Variants in PRKCQ observed in about 807,000 individuals in gnomAD.
PRKCQ encodes the protein protein kinase C theta type.
PRKCQ carries 41 observed loss-of-function variants against 91.2 expected under a neutral mutation model. The observed-to-expected ratio is 0.45, with a 90% confidence interval of 0.35 to 0.58. The LOEUF (loss-of-function observed/expected upper bound fraction) is 0.58. Among genes scored for constraint, PRKCQ ranks in the 20% least tolerant of loss-of-function variants. The pLI is 0.00. For synonymous variants in PRKCQ, 307 were observed against 316.9 expected (o/e 0.97, Z 0.33); for missense variants, 673 against 896.5 (o/e 0.75, Z 3.18).
chr10:6,413,731 GCA>G, the PRKCQ span, among the ~76,000 whole-genome samples: 111 of 73,420 alleles, frequency 1.5e-3, 4 homozygotes, highest in African/African-American at 5.6e-3. Context: ...TTGTGCGCGC[GCA>G]CACACACACA....
At position 6,511,137 on chromosome 10, in the gene PRKCQ, G is replaced by A. The variant is rs1159540508; in HGVS notation, c.176C>T (p.Thr59Ile). The A allele has an allele frequency of 6.2e-7, 1 of 1,614,002 alleles. No homozygotes were observed. The highest frequency in any genetic ancestry group is 8.5e-7 in the Non-Finnish European group (1 of 1,180,026). The change falls in exon 3 of 18, where the codon ACT (threonine) becomes ATT (isoleucine). Residue 59 changes from threonine (T) to isoleucine (I), a missense_variant. Transcript: ENST00000263125. ...KPTMYPPWDS[T>I]FDAHINKGRV... The stretch of plus-strand genomic sequence containing the variant: ...TCCCTTGTTGATATGGGCATCAAAA[G>A]TGCTGTCCCAGGGTGGGTACATGGT...
intron 12 of PRKCQ, among the ~76,000 whole-genome samples, chr10:6,472,574 G>C (rs1473963746): frequency 2.0e-5 from 3 of 152,306 alleles, no homozygotes; most frequent in Non-Finnish European, 4.4e-5. Context: ...AGAGAGATGC[G>C]ACTGTGATCT....
At chr10:6,506,011 T>C (rs1001435374) in intron 4 of PRKCQ, among the ~76,000 whole-genome samples, 1 of 152,176 alleles carries the variant, frequency 6.6e-6, no homozygotes, top group Non-Finnish European at 1.5e-5. Context: ...TTTCTCTTAT[T>C]CAAGGAATTA....
At position 6,465,366 on chromosome 10, in the gene PRKCQ, G is replaced by A. The variant is rs1276120549; in HGVS notation, c.1354-962C>T. 6.6e-6 allele frequency among the ~76,000 whole-genome samples: 1 copy of A among 152,168 alleles called. No individual in the cohort carries two copies. The highest frequency in any genetic ancestry group is 2.4e-5 in the African/African-American group (1 of 41,432). On this transcript the variant is annotated intron_variant, in intron 12 of 17. Transcript: ENST00000263125. This position sits in a 1 kb window ranked among gnomAD's most constrained non-coding sequence, Gnocchi z 4.4. ...GTATGTCAGTAGAGCTGGGGCCCTC[G>A]AGTGGCCACAGTCAGAAGTAGGGCT...
chr10:6,530,701 G>A (rs1248201680), intron 1 of PRKCQ, among the ~76,000 whole-genome samples: 1 of 152,220 alleles, frequency 6.6e-6, no homozygotes, highest in African/African-American at 2.4e-5. Context: ...AGTCAGAAAC[G>A]TCGCCAGCTT....
chr10:6,473,355 C>G (rs1836099046), intron 12 of PRKCQ, among the ~76,000 whole-genome samples: 1 of 152,246 alleles, frequency 6.6e-6, no homozygotes, highest in Admixed American at 6.5e-5. Flanking sequence ...AAATTAGATT[C>G]TGGCCTTTTT....
the PRKCQ span, among the ~76,000 whole-genome samples, chr10:6,415,766 CAG>C: frequency 2.8e-5 from 2 of 72,334 alleles, no homozygotes; most frequent in Non-Finnish European, 6.5e-5. Context: ...TTTTTTGAGA[CAG>C]AGTCTCTTGC....
intron 1 of PRKCQ, among the ~76,000 whole-genome samples, chr10:6,534,403 C>T (rs1839498632): frequency 1.3e-5 from 2 of 152,130 alleles, no homozygotes; most frequent in African/African-American, 4.8e-5. Flanking sequence ...TTCCCCAGTA[C>T]ATAGCTTTTT....
chr10:6,482,827 C>T (rs1836679422), intron 11 of PRKCQ, among the ~76,000 whole-genome samples: 1 of 151,976 alleles, frequency 6.6e-6, no homozygotes, highest in Admixed American at 6.6e-5. Flanking sequence ...AGGGAAACTC[C>T]TCTTTATAAA....
chr10:6,399,925 G>A, the PRKCQ span, among the ~76,000 whole-genome samples: 3 of 152,258 alleles, frequency 2.0e-5, no homozygotes, highest in African/African-American at 4.8e-5. Context: ...GGCATCAATC[G>A]GGGGTTGGGG....
In PRKCQ at chr10:6,430,825, C is replaced by A; in HGVS notation, c.1950G>T (p.Pro650=). Residue 650 remains proline, a synonymous_variant, in exon 17 of 18, where the codon CCG becomes CCT. Transcript: ENST00000263125. The surrounding 1 kb of genome is among the most constrained non-coding windows in gnomAD (Gnocchi z 4.7). The part of the protein sequence containing the change: ...EELERKEIDP[P]FRPKVKSPFD... ...GAGTCCTTACCACTTTCGGCCGGAA[C>A]GGTGGGTCAATCTCCTTCCGTTCAA... 6.2e-7 allele frequency: 1 copy of A among 1,614,014 alleles called. No homozygotes were observed. Among genetic ancestry groups the A allele is most frequent in the Non-Finnish European group, 8.5e-7 (1 of 1,179,952 alleles).
chr10:6,505,463 C>T (rs968264222), intron 4 of PRKCQ, among the ~76,000 whole-genome samples: 2 of 144,102 alleles, frequency 1.4e-5, no homozygotes, highest in Non-Finnish European at 3.1e-5. Flanking sequence ...TTTTGAAGGA[C>T]CCTTTTTCTC....
intron 4 of PRKCQ, among the ~76,000 whole-genome samples, chr10:6,504,484 G>T (rs1838082380): frequency 6.6e-6 from 1 of 152,114 alleles, no homozygotes; most frequent in Non-Finnish European, 1.5e-5. Flanking sequence ...TTTCCTCCTT[G>T]TAAGGCCATC....
intron 1 of PRKCQ, among the ~76,000 whole-genome samples, chr10:6,553,748 A>G (rs1042980763): frequency 6.6e-6 from 1 of 152,178 alleles, no homozygotes; most frequent in African/African-American, 2.4e-5. Flanking sequence ...CGGTATGCAC[A>G]TATCTTCAAC....
downstream of PRKCQ, among the ~76,000 whole-genome samples, chr10:6,424,612 A>C (rs1023603527): frequency 3.9e-5 from 6 of 152,176 alleles, no homozygotes; most frequent in African/African-American, 1.4e-4. Flanking sequence ...GTTGGCCATC[A>C]TTGATGGGTC....
Position 6,453,679 on chromosome 10 carries a change from A to G in PRKCQ, c.1647+2995T>C, listed in dbSNP as rs190322975. On this transcript the variant is annotated intron_variant, in intron 15 of 17. Transcript: ENST00000263125. The stretch of plus-strand genomic sequence containing the variant: ...AGACTTGGAACCAACCCAAATGTCC[A>G]AAAATGATAGACTGGATTAAGAAAA... Among the ~76,000 whole-genome samples the G allele has an allele frequency of 1.3e-3, 194 of 152,328 alleles. 4 individuals are homozygous for G. The East Asian group carries it at 0.03, about 23-fold the overall frequency.
At chr10:6,492,164 C>T (rs1199310013) in intron 7 of PRKCQ, among the ~76,000 whole-genome samples, 1 of 151,630 alleles carries the variant, frequency 6.6e-6, no homozygotes, top group African/African-American at 2.4e-5. Flanking sequence ...GATGAAGATT[C>T]CCTTCCTGTT....
At position 6,489,327 on chromosome 10, in the gene PRKCQ, G is replaced by A. The variant is rs1837136451; in HGVS notation, c.790+2356C>T. ...ACTGTAGCCACATCTAGGCTTCTCT[G>A]TGACTTGCATGGCCGCGAAGAAAGG... On this transcript the variant is annotated intron_variant, in intron 8 of 17. Coordinates refer to ENST00000263125, the MANE Select transcript of PRKCQ (RefSeq NM_006257.5). 62 of 479,594 alleles carry A rather than the reference G, an allele frequency of 1.3e-4. 1 individual carries two copies. Among genetic ancestry groups the A allele is most frequent in the South Asian group, 9.4e-4 (61 of 65,094 alleles). 29.7% of individuals were successfully genotyped at this position (479,594 alleles called of 1,614,324 possible). A position where few individuals can be genotyped will look rare whatever the true frequency, so the allele number is the denominator to read the frequency against.
intron 1 of PRKCQ, among the ~76,000 whole-genome samples, chr10:6,535,652 T>C (rs1433944602): frequency 6.6e-6 from 1 of 152,106 alleles, no homozygotes; most frequent in African/African-American, 2.4e-5. Flanking sequence ...TCTCCAGCCA[T>C]GCGCCAAGGC....
Sources: allele counts gnomAD v4.1 joint callset (sites outside exome capture counted in the v4.1 genomes callset), GRCh38; gene constraint gnomAD v4.1.1; non-coding constraint Gnocchi (gnomAD v3.1); transcripts MANE v1.5; gene names NCBI Gene and HGNC (gene_info 2026-07-23, HGNC 2026-07-21).